Variants in RMP64 observed in about 807,000 individuals in gnomAD.
RMP64 encodes the protein nucleolus and neural progenitor protein.
the RMP64 span, chr3:113,013,483 AC>A: frequency 8.2e-7 from 1 of 1,213,060 alleles, no homozygotes; most frequent in Non-Finnish European, 1.2e-6. Flanking sequence ...TTTTACATTT[AC>A]CAGTTTATTA....
chr3:113,006,019 G>T, the RMP64 span: 1 of 1,570,218 alleles, frequency 6.4e-7, no homozygotes, highest in Non-Finnish European at 8.7e-7. Flanking sequence ...AAAAGACAGA[G>T]AGAGGAAAAA....
At chr3:113,019,536 A>C in the RMP64 span, 1 of 1,607,826 alleles carries the variant, frequency 6.2e-7, no homozygotes, top group South Asian at 1.1e-5. Flanking sequence ...CCGGCGCCTC[A>C]CTCACCAAGG....
chr3:113,018,888 G>A, the RMP64 span, among the ~76,000 whole-genome samples: 1 of 152,170 alleles, frequency 6.6e-6, no homozygotes, highest in Non-Finnish European at 1.5e-5. Context: ...AAAGGGTAGA[G>A]CTAGTATTCA....
the RMP64 span, chr3:113,005,886 GT>G: frequency 1.0e-4 from 165 of 1,613,462 alleles, no homozygotes; most frequent in Admixed American, 1.5e-4. Flanking sequence ...CTTTGTCTCC[GT>G]AAAAATTTAT....
the RMP64 span, among the ~76,000 whole-genome samples, chr3:113,007,001 T>C: frequency 2.2e-4 from 33 of 152,316 alleles, no homozygotes; most frequent in African/African-American, 7.7e-4. Flanking sequence ...AGGAGCACTA[T>C]ATCTGGGGGA....
At chr3:113,008,973 TG>T in the RMP64 span, among the ~76,000 whole-genome samples, 1 of 152,194 alleles carries the variant, frequency 6.6e-6, no homozygotes, top group Non-Finnish European at 1.5e-5. Flanking sequence ...TATCACGACT[TG>T]TTTTTCACTT....
chr3:113,017,205 GA>G, the RMP64 span, among the ~76,000 whole-genome samples: 1 of 152,004 alleles, frequency 6.6e-6, no homozygotes, highest in Non-Finnish European at 1.5e-5. Context: ...TTGCCTATTA[GA>G]AACAAGACTG....
the RMP64 span, among the ~76,000 whole-genome samples, chr3:113,016,745 C>G: frequency 2.0e-5 from 3 of 152,180 alleles, no homozygotes; most frequent in Non-Finnish European, 2.9e-5. Flanking sequence ...ATACACAGCA[C>G]TAAGCAGAAT....
At chr3:113,003,229 C>T in the RMP64 span, 1 of 152,156 alleles carries the variant, frequency 6.6e-6, no homozygotes, top group Non-Finnish European at 1.5e-5. Context: ...ATAGTGTCAG[C>T]TACTCAGGCG....
At chr3:113,005,853 A>C in the RMP64 span, 1 of 1,613,844 alleles carries the variant, frequency 6.2e-7, no homozygotes, top group African/African-American at 1.3e-5. Flanking sequence ...AAAAGAGTCG[A>C]CTGCAACTTT....
chr3:113,019,405 C>T, the RMP64 span: 1 of 670,540 alleles, frequency 1.5e-6, no homozygotes, highest in Non-Finnish European at 2.6e-6. Context: ...GACCGCTCGA[C>T]CCCTACGTGC....
the RMP64 span, among the ~76,000 whole-genome samples, chr3:113,012,078 C>T: frequency 3.3e-5 from 5 of 152,142 alleles, no homozygotes; most frequent in Admixed American, 6.5e-5. Flanking sequence ...CTTACAGATA[C>T]GGGCAAATTC....
the RMP64 span, among the ~76,000 whole-genome samples, chr3:113,007,973 CTTGT>C: frequency 6.6e-6 from 1 of 152,200 alleles, no homozygotes; most frequent in African/African-American, 2.4e-5. Context: ...GTCCAATTAA[CTTGT>C]TTATCTTCTT....
At chr3:113,010,586 A>G in the RMP64 span, 5 of 1,361,074 alleles carry the variant, frequency 3.7e-6, no homozygotes, top group Non-Finnish European at 5.3e-6. Flanking sequence ...CTTGGTAAGA[A>G]GCATCCTCTA....
chr3:113,010,397 C>T, the RMP64 span: 26 of 482,722 alleles, frequency 5.4e-5, no homozygotes, highest in Non-Finnish European at 9.6e-5. Flanking sequence ...ACAGATCTTA[C>T]GGTTACTTTA....
At chr3:113,010,575 C>A in the RMP64 span, 1 of 1,250,318 alleles carries the variant, frequency 8.0e-7, no homozygotes, top group Non-Finnish European at 1.2e-6. Flanking sequence ...CAATCTCTGC[C>A]CTTGGTAAGA....
chr3:113,016,757 C>T, the RMP64 span, among the ~76,000 whole-genome samples: 3 of 152,242 alleles, frequency 2.0e-5, no homozygotes, highest in Admixed American at 2.0e-4. Flanking sequence ...AAGCAGAATG[C>T]CTGGCACACA....
At chr3:113,013,805 C>A in the RMP64 span, 8 of 675,446 alleles carry the variant, frequency 1.2e-5, no homozygotes, top group Admixed American at 2.4e-5. Context: ...ACCACAAACA[C>A]CAGGTACCCC....
the RMP64 span, chr3:113,013,186 T>G: frequency 4.2e-6 from 6 of 1,413,716 alleles, no homozygotes; most frequent in Non-Finnish European, 6.0e-6. Flanking sequence ...TCCTATGGAG[T>G]GTTAGCTTTC....
Sources: allele counts gnomAD v4.1 joint callset (sites outside exome capture counted in the v4.1 genomes callset), GRCh38; gene constraint gnomAD v4.1.1; transcripts MANE v1.5; gene names NCBI Gene and HGNC (gene_info 2026-07-23, HGNC 2026-07-21).